GGT7: variants seen among roughly 807,000 people sequenced by gnomAD.
The protein encoded by GGT7 is glutathione hydrolase 7.
In GGT7, 30 loss-of-function variants were observed where a neutral mutation model predicts 69.2. The ratio of observed to expected loss-of-function variants is 0.43; its 90% CI spans 0.32 to 0.59. The LOEUF (loss-of-function observed/expected upper bound fraction) is 0.59. Among genes scored for constraint, GGT7 ranks in the 20% least tolerant of loss-of-function variants. GGT7 has a pLI of 0.05. For missense variants in GGT7, 733 were observed against 901.1 expected, an observed-to-expected ratio of 0.81 and a Z score of 2.39; for synonymous variants, 388 against 391.8, an observed-to-expected ratio of 0.99 and a Z score of 0.12.
chr20:34,849,163 T>C (rs907290966), intron 14 of GGT7, among the ~76,000 whole-genome samples: 7 of 142,500 alleles, frequency 4.9e-5, no homozygotes, highest in African/African-American at 1.8e-4. Context: ...CTCTCTTACT[T>C]TTTTTTTTTT....
intron 12 of GGT7, among the ~76,000 whole-genome samples, chr20:34,851,571 A>T (rs2079393792): frequency 6.6e-6 from 1 of 151,898 alleles, no homozygotes; most frequent in Admixed American, 6.6e-5. Context: ...TGGATGGGGG[A>T]GTGATAAGTA....
At chr20:34,861,893 CAGCTT>C (rs1325910488) in intron 3 of GGT7, among the ~76,000 whole-genome samples, 2 of 152,154 alleles carry the variant, frequency 1.3e-5, no homozygotes, top group Non-Finnish European at 2.9e-5. Context: ...GGACCCCTGC[CAGCTT>C]CCTGCACCTG....
Position 34,863,829 on chromosome 20 carries a change from G to T in GGT7, c.170-281C>A. 1.5e-6 allele frequency: 1 copy of T among 651,130 alleles called. No homozygotes were observed. The highest frequency in any genetic ancestry group is 2.1e-5 in the Admixed American group (1 of 47,138). 40.3% of individuals were successfully genotyped at this position (651,130 alleles called of 1,614,324 possible). ...CAAATTTCCTGGCACCCAGGGCCCAGGGCTGAGAACACTTCCTGGGGGGTG... is the reference window on the plus strand; with the variant it reads ...CAAATTTCCTGGCACCCAGGGCCCATGGCTGAGAACACTTCCTGGGGGGTG... On this transcript the variant is annotated intron_variant, in intron 1 of 14. Coordinates refer to ENST00000336431, the MANE Select transcript of GGT7 (RefSeq NM_178026.3). This position sits in a 1 kb window ranked among gnomAD's most constrained non-coding sequence, Gnocchi z 4.4.
At chr20:34,846,098 A>G (rs1227707101) in intron 14 of GGT7, among the ~76,000 whole-genome samples, 2 of 149,186 alleles carry the variant, frequency 1.3e-5, no homozygotes, top group African/African-American at 2.4e-5. Context: ...GGAAGGAAGG[A>G]AGGGAGGGAG....
rs2079800860 is a variant in GGT7, at chr20:34,872,698, G to A, written c.118C>T (p.Pro40Ser). 6.7e-7 allele frequency: 1 copy of A among 1,484,042 alleles called. No homozygotes were observed. Among genetic ancestry groups the A allele is most frequent in the Non-Finnish European group, 8.9e-7 (1 of 1,121,794 alleles). The allele number at this position is 1,484,042 out of a possible 1,614,324, so 91.9% of individuals were successfully genotyped here. The part of the protein sequence containing the change: ...LPEDEPAPAA[P>S]LRGRKDEDAF... ...TCCTCGTCCTTGCGGCCCCTCAGCG[G>A]GGCCGCGGGCGCCGGCTCGTCCTCG... The change falls in exon 1 of 15, where the codon CCG (proline) becomes TCG (serine). Residue 40 changes from proline (P) to serine (S), a missense_variant. By Grantham distance (74) the Pro-to-Ser change is moderately conservative. Coordinates refer to ENST00000336431, the MANE Select transcript of GGT7 (RefSeq NM_178026.3).
At position 34,852,284 on chromosome 20, in the gene GGT7, G is replaced by C; in HGVS notation, c.1470-12C>G. On this transcript the variant is annotated splice_polypyrimidine_tract_variant and intron_variant, in intron 11 of 14. Transcript: ENST00000336431. ...GCTGGTTCAGGGAGCTGGGGGCCGA[G>C]GTGGGGTTGGGTGAGCCCTGGCCCA... 5 of 1,605,754 alleles carry C rather than the reference G, an allele frequency of 3.1e-6. No individual in the cohort carries two copies. Among genetic ancestry groups the C allele is most frequent in the Non-Finnish European group, 4.3e-6 (5 of 1,172,318 alleles).
chr20:34,856,791 C>CG lies in GGT7; in HGVS notation c.1102+14dup. On this transcript the variant is annotated intron_variant, in intron 8 of 14. Transcript: ENST00000336431. ...TCTCCTGAGGGGGGACCCTGGGAGC[C>CG]GGGGGAGAGGTCACCTCTGTACACG... 1.3e-6 allele frequency: 2 copies of CG among 1,527,098 alleles called. No individual in the cohort carries two copies. Among genetic ancestry groups the CG allele is most frequent in the Non-Finnish European group, 1.8e-6 (2 of 1,104,250 alleles). The allele number at this position is 1,527,098 out of a possible 1,614,324, so 94.6% of individuals were successfully genotyped here.
In GGT7 at chr20:34,859,563, C is replaced by T. The variant is rs1280987145; in HGVS notation, c.894G>A (p.Pro298=). The T allele has an allele frequency of 2.5e-6, 4 of 1,603,902 alleles. No individual in the cohort carries two copies. The highest frequency in any genetic ancestry group is 3.4e-6 in the Non-Finnish European group (4 of 1,175,550). The change falls in exon 7 of 15, where the codon CCG becomes CCA. Residue 298 remains proline (P), a synonymous_variant. Transcript: ENST00000336431. ...GATGCAGCAACGAGCCAGGTAGTGG[C>T]GGGCGGCCCGATGGCAGGAACGTCT... ...FRETFLPSGR[P]PLPGSLLHRP... is the part of the protein sequence containing the mutation.
At chr20:34,865,231 C>CA (rs1429260330) in intron 1 of GGT7, among the ~76,000 whole-genome samples, 6 of 152,138 alleles carry the variant, frequency 3.9e-5, no homozygotes, top group Non-Finnish European at 7.3e-5. Flanking sequence ...GCAGTGGCAC[C>CA]ATCTCAGCTC....
At position 34,863,102 on chromosome 20, in the gene GGT7, C is replaced by T; in HGVS notation, c.406-137G>A. 8.2e-6 allele frequency: 7 copies of T among 858,582 alleles called. No individual in the cohort carries two copies. Among genetic ancestry groups the T allele is most frequent in the Non-Finnish European group, 1.3e-5 (7 of 549,918 alleles). The allele number at this position is 858,582 out of a possible 1,614,324, so 53.2% of individuals were successfully genotyped here. A position where few individuals can be genotyped will look rare whatever the true frequency, so the allele number is the denominator to read the frequency against. The stretch of plus-strand genomic sequence containing the variant: ...TGTTGCCTTGACTCTGCCCTCATTA[C>T]CCCAAGTGCCTCCTAATGGATCTGT... On this transcript the variant is annotated intron_variant, in intron 2 of 14. Coordinates refer to ENST00000336431, the MANE Select transcript of GGT7 (RefSeq NM_178026.3). This position sits in a 1 kb window ranked among gnomAD's most constrained non-coding sequence, Gnocchi z 4.4.
chr20:34,866,354 G>A (rs1250270635), intron 1 of GGT7, among the ~76,000 whole-genome samples: 1 of 152,128 alleles, frequency 6.6e-6, no homozygotes, highest in Non-Finnish European at 1.5e-5. Flanking sequence ...GGCTGAGGCA[G>A]GAGATCACTT....
intron 14 of GGT7, among the ~76,000 whole-genome samples, chr20:34,849,291 T>C (rs1360376013): frequency 6.7e-6 from 1 of 148,866 alleles, no homozygotes; most frequent in African/African-American, 2.5e-5. Flanking sequence ...GCCTCCCGAG[T>C]AGCTAGAACC....
At chr20:34,846,985 G>T (rs1283887335) in intron 14 of GGT7, among the ~76,000 whole-genome samples, 2 of 152,110 alleles carry the variant, frequency 1.3e-5, no homozygotes, top group African/African-American at 4.8e-5. Context: ...CCAGTCTTTG[G>T]CACCTCTTCA....
At chr20:34,845,539 A>T in intron 14 of GGT7, 48 bp from the exon 15 acceptor site, 1 of 1,523,958 alleles carries the variant, frequency 6.6e-7, no homozygotes, top group Non-Finnish European at 9.0e-7. Flanking sequence ...ACAGAGCACT[A>T]GTTCAAGAGT....
chr20:34,850,735 C>A, intron 13 of GGT7: 1 of 420,130 alleles, frequency 2.4e-6, no homozygotes, highest in South Asian at 1.7e-5. Flanking sequence ...GCACTTGGGC[C>A]GGAACCCAGG....
chr20:34,852,570 C>T (rs1479777538), intron 10 of GGT7, 32 bp from the exon 11 acceptor site: 1 of 1,548,126 alleles, frequency 6.5e-7, no homozygotes, highest in Admixed American at 2.2e-5. Context: ...GATGAGCAAA[C>T]AACAGGCTCT....
Position 34,863,579 on chromosome 20 carries a change from C to A in GGT7, c.170-31G>T. 1 of 1,438,790 alleles carries A rather than the reference C, an allele frequency of 7.0e-7. No individual in the cohort carries two copies. Among genetic ancestry groups the A allele is most frequent in the Non-Finnish European group, 9.6e-7 (1 of 1,045,950 alleles). 89.1% of individuals were successfully genotyped at this position (1,438,790 alleles called of 1,614,324 possible). ...GGCAGGCAGCCGGGGTCGGTCTGGG[C>A]ATCTCCTATCTGGCCCTGCCCACCC... is the stretch of plus-strand genomic sequence containing the variant. On this transcript the variant is annotated intron_variant, in intron 1 of 14. Transcript: ENST00000336431. This position sits in a 1 kb window ranked among gnomAD's most constrained non-coding sequence, Gnocchi z 4.4.
chr20:34,856,874 A>G lies in GGT7; in HGVS notation c.1034T>C (p.Val345Ala), dbSNP rs779801937. The change falls in exon 8 of 15, where the codon GTC becomes GCC. Residue 345 changes from valine to alanine, a missense_variant. By Grantham distance (64) the Val-to-Ala change is moderately conservative. Transcript: ENST00000336431. Reference sequence around the variant, plus strand: ...ATTGCTGAAGTCCTCTTCGGTTATGACACCCCCTGCGTGCTGAGCCTGGAG... The same window carrying G: ...ATTGCTGAAGTCCTCTTCGGTTATGGCACCCCCTGCGTGCTGAGCCTGGAG... ...MVAEAQHAGGVITEEDFSNYS... is the reference protein window; with the variant it reads ...MVAEAQHAGGAITEEDFSNYS... The G allele has an allele frequency of 2.5e-6, 4 of 1,609,486 alleles. No individual in the cohort carries two copies. The highest frequency in any genetic ancestry group is 2.2e-5 in the East Asian group (1 of 44,820).
At chr20:34,872,572 G>A in intron 1 of GGT7, 75 bp downstream of exon 1, 1 of 1,001,712 alleles carries the variant, frequency 1.0e-6, no homozygotes, top group Non-Finnish European at 1.4e-6. Flanking sequence ...GGAGCTGGAG[G>A]TGGATGCTTG....
Sources: gnomAD v4.1 joint callset for allele counts (sites outside exome capture counted in the v4.1 genomes callset) on GRCh38, gnomAD v4.1.1 for gene constraint, Gnocchi (gnomAD v3.1) non-coding constraint, MANE v1.5 for transcripts, NCBI Gene and HGNC (gene_info 2026-07-23, HGNC 2026-07-21) for gene names.